The following XKR4 variants were observed in gnomAD, a reference collection of about 807,000 sequenced individuals.
XKR4 encodes the protein XK related 4.
In XKR4, 12 loss-of-function variants were observed where a neutral mutation model predicts 53.9. The ratio of observed to expected loss-of-function variants is 0.22; its 90% CI spans 0.14 to 0.36. The LOEUF (loss-of-function observed/expected upper bound fraction) is 0.36. Ranked by LOEUF, XKR4 falls within the 10% of genes least tolerant of loss-of-function variation. The pLI is 1.00. For synonymous variants in XKR4, 354 were observed against 362.4 expected (o/e 0.98, Z 0.26); for missense variants, 799 against 859.5 (o/e 0.93, Z 0.88).
At chr8:55,155,575 G>C (rs1254678372) in intron 1 of XKR4, among the ~76,000 whole-genome samples, 1 of 150,052 alleles carries the variant, frequency 6.7e-6, no homozygotes, top group Non-Finnish European at 1.5e-5. Context: ...AAGAAGTCGA[G>C]GATTTGGAAG....
At chr8:55,188,003 C>G (rs948893378) in intron 1 of XKR4, among the ~76,000 whole-genome samples, 4 of 151,954 alleles carry the variant, frequency 2.6e-5, no homozygotes, top group Admixed American at 2.6e-4. Flanking sequence ...TCCTTTTTTG[C>G]CTTTTCCAAT....
intron 2 of XKR4, among the ~76,000 whole-genome samples, chr8:55,442,136 A>C (rs1395282742): frequency 6.6e-6 from 1 of 152,198 alleles, no homozygotes; most frequent in African/African-American, 2.4e-5. Context: ...ACAAATTTTA[A>C]AAAGAAATAA....
intron 1 of XKR4, among the ~76,000 whole-genome samples, chr8:55,233,488 C>T (rs1563489235): frequency 6.6e-6 from 1 of 152,208 alleles, no homozygotes; most frequent in Non-Finnish European, 1.5e-5. Context: ...AAGGGCATGG[C>T]CTCATGCCTG....
intron 1 of XKR4, among the ~76,000 whole-genome samples, chr8:55,111,659 C>T (rs969024619): frequency 6.6e-6 from 1 of 152,054 alleles, no homozygotes; most frequent in Non-Finnish European, 1.5e-5. Flanking sequence ...AAAAGTCTTC[C>T]GTGTCACTGA....
chr8:55,186,281 C>T (rs1266365201), intron 1 of XKR4, among the ~76,000 whole-genome samples: 1 of 152,184 alleles, frequency 6.6e-6, no homozygotes, highest in African/African-American at 2.4e-5. Context: ...ACATAGGCCC[C>T]ATTTATTTTA....
intron 2 of XKR4, among the ~76,000 whole-genome samples, chr8:55,492,365 G>A (rs999255207): frequency 5.9e-5 from 9 of 152,154 alleles, no homozygotes; most frequent in Non-Finnish European, 1.5e-5. Context: ...CACTAAATAT[G>A]TATATGTTTC....
chr8:55,221,971 G>A lies in XKR4; in HGVS notation c.806+118677G>A, dbSNP rs915925916. ...TACTCTATATTTGTTGAATTGGAAT[G>A]AGTGAATTCTTCCTTACAACTAATC... On this transcript the variant is annotated intron_variant, in intron 1 of 2. Coordinates refer to ENST00000327381, the MANE Select transcript of XKR4 (RefSeq NM_052898.2). Among the ~76,000 whole-genome samples the A allele has an allele frequency of 3.3e-5, 5 of 152,200 alleles. No individual in the cohort carries two copies. In the East Asian group the frequency reaches 9.6e-4, roughly 29 times the overall value.
intron 1 of XKR4, among the ~76,000 whole-genome samples, chr8:55,132,690 T>G (rs1816574776): frequency 6.6e-6 from 1 of 152,192 alleles, no homozygotes; most frequent in African/African-American, 2.4e-5. Flanking sequence ...GACCATTAAC[T>G]TCAAGGTGGT....
At position 55,110,901 on chromosome 8, in the gene XKR4, C is replaced by T. The variant is rs1816222588; in HGVS notation, c.806+7607C>T. Among the ~76,000 whole-genome samples, 5 of 152,236 alleles carry T rather than the reference C, an allele frequency of 3.3e-5. No homozygotes were observed. In the South Asian group the frequency reaches 8.3e-4, roughly 25 times the overall value. The stretch of plus-strand genomic sequence containing the variant: ...TTATCATCATAAAACATCAATTCTA[C>T]ATCTAGTATATGTATAGAACTGATA... On this transcript the variant is annotated intron_variant, in intron 1 of 2. Coordinates refer to ENST00000327381, the MANE Select transcript of XKR4 (RefSeq NM_052898.2).
chr8:55,155,647 A>AG (rs1442326712), intron 1 of XKR4, among the ~76,000 whole-genome samples: 1 of 150,750 alleles, frequency 6.6e-6, no homozygotes, highest in African/African-American at 2.5e-5. Context: ...AGAGAGAGAG[A>AG]AAAAAAAATC....
intron 1 of XKR4, among the ~76,000 whole-genome samples, chr8:55,303,460 T>C (rs1463521336): frequency 6.6e-6 from 1 of 152,096 alleles, no homozygotes; most frequent in Non-Finnish European, 1.5e-5. Context: ...AAAATTCTCT[T>C]TTTTGGTTGT....
At chr8:55,303,741 G>T (rs550037696) in intron 1 of XKR4, among the ~76,000 whole-genome samples, 3 of 152,082 alleles carry the variant, frequency 2.0e-5, no homozygotes, top group Non-Finnish European at 2.9e-5. Flanking sequence ...TGTATGTGTC[G>T]AGGAATTTAT....
At chr8:55,345,040 G>T (rs1803615045) in intron 1 of XKR4, among the ~76,000 whole-genome samples, 1 of 152,180 alleles carries the variant, frequency 6.6e-6, no homozygotes. Context: ...ACAGCAATTT[G>T]GGAGGCCATG....
At chr8:55,261,166 A>G (rs1585973579) in intron 1 of XKR4, among the ~76,000 whole-genome samples, 1 of 152,186 alleles carries the variant, frequency 6.6e-6, no homozygotes, top group African/African-American at 2.4e-5. Flanking sequence ...AAAAATTAGT[A>G]GACTAGGAAT....
intron 2 of XKR4, among the ~76,000 whole-genome samples, chr8:55,395,164 A>G (rs1046446158): frequency 1.2e-4 from 19 of 152,056 alleles, no homozygotes; most frequent in African/African-American, 2.4e-5. Flanking sequence ...AGCTTTATGA[A>G]GTGATTTTGG....
At chr8:55,294,521 A>T (rs935559654) in intron 1 of XKR4, among the ~76,000 whole-genome samples, 1 of 152,160 alleles carries the variant, frequency 6.6e-6, no homozygotes, top group Non-Finnish European at 1.5e-5. Flanking sequence ...TGCACAGGTT[A>T]TCATATCTCC....
chr8:55,265,423 C>T (rs996393985), intron 1 of XKR4, among the ~76,000 whole-genome samples: 11 of 152,184 alleles, frequency 7.2e-5, no homozygotes, highest in African/African-American at 7.2e-5. Context: ...GGCCTGAAAA[C>T]GAACCCATTC....
intron 1 of XKR4, among the ~76,000 whole-genome samples, chr8:55,283,500 T>C (rs1430666688): frequency 1.3e-5 from 2 of 152,220 alleles, no homozygotes; most frequent in African/African-American, 2.4e-5. Context: ...AAGTGATTTA[T>C]AAACTGTAAA....
At chr8:55,266,200 A>G (rs1019107469) in intron 1 of XKR4, among the ~76,000 whole-genome samples, 2 of 151,584 alleles carry the variant, frequency 1.3e-5, no homozygotes, top group Non-Finnish European at 2.9e-5. Flanking sequence ...ATTCGGTGTG[A>G]TGGGGCAACA....
Sources: gnomAD v4.1 joint callset for allele counts (sites outside exome capture counted in the v4.1 genomes callset) on GRCh38, gnomAD v4.1.1 for gene constraint, MANE v1.5 for transcripts, NCBI Gene and HGNC (gene_info 2026-07-23, HGNC 2026-07-21) for gene names.